The following NTM variants were observed in gnomAD, a reference collection of about 807,000 sequenced individuals.
NTM encodes the protein neurotrimin.
A neutral mutation model predicts 42.1 loss-of-function variants in NTM; 13 were observed. The observed-to-expected ratio is 0.31, with a 90% CI of 0.20 to 0.49. NTM has a LOEUF of 0.49. Ranked by LOEUF, NTM falls within the 20% of genes least tolerant of loss-of-function variation. The probability of loss-of-function intolerance (pLI) is 0.99; values close to 1 mark genes in which losing one functional copy is unlikely to be tolerated. For missense variants in NTM, 373 were observed against 452.8 expected (o/e 0.82, Z 1.60); for synonymous variants, 187 against 179.2 (o/e 1.04, Z -0.35).
At chr11:131,684,522 G>A (rs11222741) in intron 1 of NTM, among the ~76,000 whole-genome samples, 2,572 of 152,312 alleles carry the variant, frequency 0.017, 31 homozygotes, top group Non-Finnish European at 0.027. Flanking sequence ...GCATGCCCTT[G>A]GACTGTCTCT....
At chr11:131,841,778 G>T (rs559084523) in intron 1 of NTM, among the ~76,000 whole-genome samples, 10 of 152,256 alleles carry the variant, frequency 6.6e-5, no homozygotes, top group African/African-American at 2.4e-4. Flanking sequence ...GGGTGACTGG[G>T]GTCAGCGTGG....
intron 3 of NTM, among the ~76,000 whole-genome samples, chr11:132,181,692 A>G (rs1031756672): frequency 2.6e-5 from 4 of 152,180 alleles, no homozygotes; most frequent in Non-Finnish European, 5.9e-5. Context: ...ACAGCTTAAT[A>G]GTGGCACTGA....
rs538499372 is a variant in NTM, at chr11:132,123,949, C to T, written c.168-22333C>T. Among the ~76,000 whole-genome samples, 42 of 152,214 alleles carry T rather than the reference C, an allele frequency of 2.8e-4. No individual in the cohort carries two copies. In the South Asian group the frequency reaches 7.9e-3, roughly 29 times the overall value. On this transcript the variant is annotated intron_variant, in intron 2 of 8. Coordinates refer to ENST00000683400, the MANE Select transcript of NTM (RefSeq NM_001352005.2). ...CTTAGAGTGTCCGTCTCCTGGAGAC[C>T]GTCAGTAGGATCCAGTGCCTGCTTT... is the stretch of plus-strand genomic sequence containing the variant.
chr11:132,316,353 T>C (rs1229014035), intron 7 of NTM, among the ~76,000 whole-genome samples: 1 of 152,178 alleles, frequency 6.6e-6, no homozygotes, highest in African/African-American at 2.4e-5. Flanking sequence ...GGCACACATG[T>C]AGCAATTACA....
At position 132,220,418 on chromosome 11, in the gene NTM, G is replaced by C. The variant is rs539145476; in HGVS notation, c.526+8271G>C. ...GGTAAAATTTGCCAGTGTCAATAGG[G>C]GTTTTTGTAAATTTAATATTTATGA... On this transcript the variant is annotated intron_variant, in intron 4 of 8. Transcript: ENST00000683400. Among the ~76,000 whole-genome samples, 40 of 152,184 alleles carry C rather than the reference G, an allele frequency of 2.6e-4. 1 individual carries two copies. The South Asian group carries it at 6.8e-3, about 26-fold the overall frequency.
chr11:132,079,724 G>A (rs546887054), intron 2 of NTM, among the ~76,000 whole-genome samples: 15 of 152,198 alleles, frequency 9.9e-5, no homozygotes, highest in African/African-American at 3.4e-4. Flanking sequence ...CACTAAAAGT[G>A]TACACAATGT....
intron 1 of NTM, among the ~76,000 whole-genome samples, chr11:131,703,079 A>T (rs2076239046): frequency 6.6e-6 from 1 of 152,234 alleles, no homozygotes; most frequent in Non-Finnish European, 1.5e-5. Context: ...TAGAGAAGAA[A>T]GTAAAAAAGC....
intron 2 of NTM, among the ~76,000 whole-genome samples, chr11:132,053,270 C>G (rs567510302): frequency 6.6e-6 from 1 of 152,292 alleles, no homozygotes; most frequent in East Asian, 1.9e-4. Flanking sequence ...GAGATTTGAT[C>G]CGAGGCTTAC....
At chr11:131,590,382 C>A (rs761115967) in intron 1 of NTM, among the ~76,000 whole-genome samples, 1 of 152,128 alleles carries the variant, frequency 6.6e-6, no homozygotes, top group Non-Finnish European at 1.5e-5. Context: ...CAGGTTGATA[C>A]CAGAGGAGAA....
intron 1 of NTM, among the ~76,000 whole-genome samples, chr11:131,851,532 CGTGTGTGTGTGT>C (rs71067340): frequency 4.8e-5 from 7 of 146,702 alleles, no homozygotes; most frequent in African/African-American, 1.3e-4. Context: ...GTGAGAATGG[CGTGTGTGTGTGT>C]GTGTGTGTGT....
At chr11:131,867,098 T>G (rs995418137) in intron 1 of NTM, among the ~76,000 whole-genome samples, 1 of 152,132 alleles carries the variant, frequency 6.6e-6, no homozygotes, top group African/African-American at 2.4e-5. Flanking sequence ...CAAAAGTAAA[T>G]TAGCCAGGAA....
chr11:132,332,456 G>A (rs751613383), intron 8 of NTM: 5 of 152,222 alleles, frequency 3.3e-5, no homozygotes, highest in Non-Finnish European at 5.9e-5. Flanking sequence ...CTACAAGCAA[G>A]AGAATGGCTG....
chr11:132,032,693 C>A (rs1044317789), intron 2 of NTM, among the ~76,000 whole-genome samples: 1 of 152,072 alleles, frequency 6.6e-6, no homozygotes, highest in Non-Finnish European at 1.5e-5. Flanking sequence ...TCCAAGTCAC[C>A]CCTTCAAGTT....
intron 4 of NTM, chr11:132,306,588 A>G (rs1355126349): frequency 1.3e-5 from 2 of 152,216 alleles, no homozygotes; most frequent in African/African-American, 4.8e-5. Flanking sequence ...GTGAGGTATT[A>G]GGATTGTATG....
intron 4 of NTM, among the ~76,000 whole-genome samples, chr11:132,282,446 G>T (rs1466791861): frequency 6.6e-6 from 1 of 152,112 alleles, no homozygotes; most frequent in East Asian, 1.9e-4. Context: ...GATGTATAAT[G>T]CTGATCATTA....
At chr11:131,733,906 A>G (rs2080068704) in intron 1 of NTM, among the ~76,000 whole-genome samples, 2 of 152,212 alleles carry the variant, frequency 1.3e-5, no homozygotes, top group Admixed American at 1.3e-4. Flanking sequence ...TAACATTACC[A>G]TATTGTTGAT....
At chr11:131,910,655 C>T (rs2054674010) in intron 1 of NTM, among the ~76,000 whole-genome samples, 2 of 150,228 alleles carry the variant, frequency 1.3e-5, no homozygotes, top group Non-Finnish European at 3.0e-5. Flanking sequence ...AGGCCGGGGG[C>T]GGCCGCTGAG....
At chr11:132,189,947 A>C (rs1236159719) in intron 3 of NTM, among the ~76,000 whole-genome samples, 1 of 152,232 alleles carries the variant, frequency 6.6e-6, no homozygotes, top group African/African-American at 2.4e-5. Flanking sequence ...GCCTTCTAGA[A>C]TCTCATATTC....
At chr11:131,843,397 G>C (rs1474675227) in intron 1 of NTM, among the ~76,000 whole-genome samples, 1 of 152,120 alleles carries the variant, frequency 6.6e-6, no homozygotes, top group East Asian at 1.9e-4. Context: ...TCAGTTACTT[G>C]CCTTGTTTAT....
Sources: gnomAD v4.1 joint callset for allele counts (sites outside exome capture counted in the v4.1 genomes callset) on GRCh38, gnomAD v4.1.1 for gene constraint, MANE v1.5 for transcripts, NCBI Gene and HGNC (gene_info 2026-07-23, HGNC 2026-07-21) for gene names.